The following STAMBPL1 variants were observed in gnomAD, a reference collection of about 807,000 sequenced individuals.
STAMBPL1 encodes the protein AMSH-like protease.
Under a neutral mutation model 52.9 loss-of-function variants are expected in STAMBPL1, and 44 were observed. The observed-to-expected ratio is 0.83, with a 90% confidence interval of 0.65 to 1.07. STAMBPL1 has a LOEUF of 1.07. Ranked by LOEUF, STAMBPL1 falls within the 50% of genes least tolerant of loss-of-function variation. The probability of loss-of-function intolerance (pLI) is 0.00; values close to 1 mark genes in which losing one functional copy is unlikely to be tolerated. For synonymous variants in STAMBPL1, 164 were observed against 177.3 expected (o/e 0.92, Z 0.60); for missense variants, 511 against 520.8 (o/e 0.98, Z 0.18).
chr10:88,885,458 G>T (rs1482858489), intron 1 of STAMBPL1, among the ~76,000 whole-genome samples: 1 of 151,946 alleles, frequency 6.6e-6, no homozygotes, highest in East Asian at 1.9e-4. Flanking sequence ...TTATTTTCTG[G>T]GTCTTTACCC....
intron 8 of STAMBPL1, 74 bp from the exon 9 acceptor site, chr10:88,921,209 T>G: frequency 2.5e-6 from 3 of 1,187,032 alleles, no homozygotes; most frequent in Non-Finnish European, 3.6e-6. Context: ...AAAAACAGAG[T>G]TTTCTATTAA....
intron 1 of STAMBPL1, chr10:88,894,010 A>G (rs1188254013): frequency 6.6e-6 from 1 of 151,920 alleles, no homozygotes; most frequent in Admixed American, 6.6e-5. Context: ...TGAATTACTT[A>G]TCTCTTCTAG....
At chr10:88,881,030 T>A (rs1465316869) in intron 1 of STAMBPL1, among the ~76,000 whole-genome samples, 2 of 152,106 alleles carry the variant, frequency 1.3e-5, no homozygotes, top group Non-Finnish European at 2.9e-5. Flanking sequence ...GAGAGACCAC[T>A]GCACTGTCTC....
intron 6 of STAMBPL1, among the ~76,000 whole-genome samples, chr10:88,914,176 A>T (rs771629534): frequency 2.0e-5 from 3 of 152,180 alleles, no homozygotes; most frequent in Middle Eastern, 3.2e-3. Context: ...TGATAAACAC[A>T]ATATTTATCT....
At chr10:88,884,037 A>G (rs1160643720) in intron 1 of STAMBPL1, among the ~76,000 whole-genome samples, 2 of 152,328 alleles carry the variant, frequency 1.3e-5, no homozygotes, top group Non-Finnish European at 2.9e-5. Context: ...GTGGGTAATA[A>G]TAATGCAAAT....
At chr10:88,893,566 A>AC (rs1844740015) in intron 1 of STAMBPL1, among the ~76,000 whole-genome samples, 1 of 152,100 alleles carries the variant, frequency 6.6e-6, no homozygotes, top group African/African-American at 2.4e-5. Context: ...ACATAGTGAA[A>AC]CCCCGTCTCT....
rs1024962627 is a variant in STAMBPL1 at position 88,914,627 on chromosome 10, T to C, written c.872T>C (p.Ile291Thr). The C allele has an allele frequency of 7.5e-6, 11 of 1,466,710 alleles. No homozygotes were observed. Among genetic ancestry groups the C allele is most frequent in the Non-Finnish European group, 1.0e-5 (11 of 1,101,342 alleles). 90.9% of individuals were successfully genotyped at this position (1,466,710 alleles called of 1,614,324 possible). Residue 291 changes from isoleucine to threonine, a missense_variant, in exon 7 of 11, where the codon ATA (isoleucine) becomes ACA (threonine). Transcript: ENST00000371926. ...GCAGAATCTAATACAGTGAGAGGAA[T>C]AGAAACCTGTGGAATACTCTGTGGA... ...QLAESNTVRG[I>T]ETCGILCGKL... is the part of the protein sequence containing the mutation.
chr10:88,885,337 G>A (rs1253112766), intron 1 of STAMBPL1, among the ~76,000 whole-genome samples: 2 of 152,178 alleles, frequency 1.3e-5, no homozygotes, highest in Non-Finnish European at 2.9e-5. Flanking sequence ...TTAGTAGCCA[G>A]ATTATAACTG....
intron 5 of STAMBPL1, among the ~76,000 whole-genome samples, chr10:88,912,018 C>G (rs751099191): frequency 1.1e-4 from 17 of 152,094 alleles, no homozygotes; most frequent in African/African-American, 3.1e-4. Flanking sequence ...CATGTTTTGC[C>G]TTTGATACCA....
intron 2 of STAMBPL1, 124 bp from the exon 3 acceptor site, chr10:88,905,319 A>T: frequency 1.4e-6 from 1 of 738,490 alleles, no homozygotes; most frequent in East Asian, 2.7e-5. Context: ...TCATTAACTT[A>T]TGAAAAGATT....
chr10:88,914,677 A>AATATATATATAT lies in STAMBPL1; in HGVS notation c.903+26_903+37dup, dbSNP rs6144018. 5 of 851,644 alleles carry AATATATATATAT rather than the reference A, an allele frequency of 5.9e-6. No individual in the cohort carries two copies. The highest frequency in any genetic ancestry group is 4.7e-6 in the Non-Finnish European group (3 of 644,262). The allele number at this position is 851,644 out of a possible 1,614,324, so 52.8% of individuals were successfully genotyped here. On this transcript the variant is annotated intron_variant, in intron 7 of 10. Coordinates refer to ENST00000371926, the MANE Select transcript of STAMBPL1 (RefSeq NM_020799.4). ...AAAACTGGTATGATCTTTTTATATA[A>AATATATATATAT]ATATATATATATATATATCTGCATA...
chr10:88,882,012 C>G (rs181451974), intron 1 of STAMBPL1: 1 of 152,338 alleles, frequency 6.6e-6, no homozygotes, highest in East Asian at 1.9e-4. Flanking sequence ...GTTTTCTGTT[C>G]AGACACAGAT....
Position 88,916,671 on chromosome 10 carries a change from GT to G in STAMBPL1, c.904-3del. The G allele has an allele frequency of 6.5e-7, 1 of 1,548,450 alleles. No homozygotes were observed. The highest frequency in any genetic ancestry group is 2.0e-5 in the Admixed American group (1 of 50,122). On this transcript the variant is annotated splice_polypyrimidine_tract_variant and splice_region_variant and intron_variant, in intron 7 of 10. Transcript: ENST00000371926. ...GATGCATGTCATTCTTTCTGCTATTGTTTTTTAGACACATAATGAATTTACT... is the reference window on the plus strand; with the variant it reads ...GATGCATGTCATTCTTTCTGCTATTGTTTTTAGACACATAATGAATTTACT...
In STAMBPL1 at chr10:88,920,328, A is replaced by G. The variant is rs992016520; in HGVS notation, c.1042-955A>G. Among the ~76,000 whole-genome samples, 6 of 152,218 alleles carry G rather than the reference A, an allele frequency of 3.9e-5. 1 individual carries two copies. The South Asian group carries it at 8.3e-4, about 21-fold the overall frequency. The stretch of plus-strand genomic sequence containing the variant: ...GCTAAGCACTGTTCCAGGAATTTTA[A>G]TGGACTGTCCTATTTGATCTTCATA... On this transcript the variant is annotated intron_variant, in intron 8 of 10. Coordinates refer to ENST00000371926, the MANE Select transcript of STAMBPL1 (RefSeq NM_020799.4).
chr10:88,896,245 A>G (rs1423006521), intron 1 of STAMBPL1, among the ~76,000 whole-genome samples: 2 of 152,218 alleles, frequency 1.3e-5, no homozygotes, highest in African/African-American at 2.4e-5. Context: ...AAACAAATCA[A>G]TGTAATCTTT....
rs532208784 is a variant in STAMBPL1, at chr10:88,897,652, C to T, written c.-53-4004C>T. The stretch of plus-strand genomic sequence containing the variant: ...TAGTTTTAAGCCACTCTAAAAGCAG[C>T]GAAGTGTGGCTGTGACAAGCGCCCT... On this transcript the variant is annotated intron_variant, in intron 1 of 10. Transcript: ENST00000371926. 1.0e-3 allele frequency among the ~76,000 whole-genome samples: 153 copies of T among 152,178 alleles called. 1 individual carries two copies. The highest frequency in any genetic ancestry group is 3.5e-3 in the African/African-American group (146 of 41,524).
chr10:88,892,621 T>C (rs1022244668), intron 1 of STAMBPL1, among the ~76,000 whole-genome samples: 5 of 152,176 alleles, frequency 3.3e-5, no homozygotes, highest in African/African-American at 1.2e-4. Flanking sequence ...AGAAGGAAAC[T>C]TTTTTCTGTT....
Position 88,913,408 on chromosome 10 carries a change from C to T in STAMBPL1, c.728C>T (p.Pro243Leu). ...GCAACCAATTATGCTAGCCACTCTC[C>T]TCCTGTAAACAGGGCCTTAACGCCA... ...SDATNYASHSPPVNRALTPAA... is the reference protein window; with the variant it reads ...SDATNYASHSLPVNRALTPAA... Residue 243 changes from proline (P) to leucine (L), a missense_variant, in exon 6 of 11, where the codon CCT becomes CTT. Pro to Leu is a moderately conservative substitution (Grantham distance 98). This residue lies in a region of STAMBPL1 where 358 missense variants were observed against 343.5 expected (regional missense o/e 1.04). Coordinates refer to ENST00000371926, the MANE Select transcript of STAMBPL1 (RefSeq NM_020799.4). 6.2e-7 allele frequency: 1 copy of T among 1,613,696 alleles called. No homozygotes were observed. The highest frequency in any genetic ancestry group is 8.5e-7 in the Non-Finnish European group (1 of 1,179,748).
At chr10:88,922,753 AC>A (rs1315535781) in intron 10 of STAMBPL1, among the ~76,000 whole-genome samples, 1 of 152,162 alleles carries the variant, frequency 6.6e-6, no homozygotes, top group Non-Finnish European at 1.5e-5. Flanking sequence ...ATAGAAAATG[AC>A]ATTTAAAATG....
Sources: allele counts gnomAD v4.1 joint callset (sites outside exome capture counted in the v4.1 genomes callset), GRCh38; gene constraint gnomAD v4.1.1; regional missense constraint gnomAD v4.1.1; transcripts MANE v1.5; gene names NCBI Gene and HGNC (gene_info 2026-07-23, HGNC 2026-07-21).